CD109: variants seen among roughly 807,000 people sequenced by gnomAD.
CD109 encodes CD109 molecule.
CD109 carries 149 observed loss-of-function variants against 165.8 expected under a neutral mutation model. That is an observed-to-expected ratio of 0.90 (90% CI 0.79 to 1.03). The LOEUF (loss-of-function observed/expected upper bound fraction) is 1.03. CD109 is among the 50% of genes least tolerant of loss of function. The pLI is 0.00. For missense variants in CD109, 1,712 were observed against 1,677.8 expected (o/e 1.02, Z -0.36); for synonymous variants, 585 against 592.1 (o/e 0.99, Z 0.18).
At chr6:73,767,417 G>A (rs1364170251) in intron 13 of CD109, among the ~76,000 whole-genome samples, 4 of 152,088 alleles carry the variant, frequency 2.6e-5, no homozygotes, top group South Asian at 2.1e-4. Flanking sequence ...ATAGTATTCC[G>A]TAGTATATGT....
At chr6:73,706,364 T>G (rs1004410832) in intron 2 of CD109, among the ~76,000 whole-genome samples, 9 of 152,106 alleles carry the variant, frequency 5.9e-5, no homozygotes, top group Non-Finnish European at 1.3e-4. Context: ...CATATTTGTA[T>G]CTGGGAGAGC....
At chr6:73,784,300 TC>T (rs200743582) in intron 19 of CD109, among the ~76,000 whole-genome samples, 2 of 151,064 alleles carry the variant, frequency 1.3e-5, no homozygotes, top group Non-Finnish European at 3.0e-5. Flanking sequence ...GCCTGAATTT[TC>T]TCATTTGAAA....
chr6:73,781,972 GAAATGTAT>G (rs1425715548), intron 17 of CD109, among the ~76,000 whole-genome samples: 5 of 152,150 alleles, frequency 3.3e-5, no homozygotes, highest in African/African-American at 4.8e-5. Flanking sequence ...TTGACTGAAG[GAAATGTAT>G]AAATGTATAA....
chr6:73,749,973 G>T (rs1246315202), intron 5 of CD109, among the ~76,000 whole-genome samples: 10 of 152,152 alleles, frequency 6.6e-5, no homozygotes, highest in Non-Finnish European at 1.5e-4. Flanking sequence ...CTACCAGGGG[G>T]TTAGTATTAT....
chr6:73,731,849 C>T (rs1031787897), intron 4 of CD109, among the ~76,000 whole-genome samples: 1 of 152,316 alleles, frequency 6.6e-6, no homozygotes, highest in African/African-American at 2.4e-5. Context: ...CCATTTAGAA[C>T]TGTGTCTGGC....
chr6:73,780,477 G>C lies in CD109; in HGVS notation c.1881G>C (p.Met627Ile). The change falls in exon 16 of 33, where the codon ATG (methionine) becomes ATC (isoleucine). Residue 627 changes from methionine (M) to isoleucine (I), a missense_variant. Met to Ile is a conservative substitution (Grantham distance 10, BLOSUM62 1). Transcript: ENST00000287097. ...CAGGATATTATTTAGGCATGTTCAT[G>C]AATTCTTTTGCAGTCTTTCAGGTAT... is the stretch of plus-strand genomic sequence containing the variant. ...YNTGYYLGMFMNSFAVFQECG... is the reference protein window; with the variant it reads ...YNTGYYLGMFINSFAVFQECG... 1 of 1,608,726 alleles carries C rather than the reference G, an allele frequency of 6.2e-7. No individual in the cohort carries two copies. Among genetic ancestry groups the C allele is most frequent in the Non-Finnish European group, 8.5e-7 (1 of 1,175,820 alleles).
chr6:73,778,275 G>C (rs572782009), intron 15 of CD109, among the ~76,000 whole-genome samples: 1 of 152,104 alleles, frequency 6.6e-6, no homozygotes. Context: ...GTTGTTTATC[G>C]GTTTAAGAAA....
chr6:73,727,538 C>T (rs143319224), intron 3 of CD109, among the ~76,000 whole-genome samples: 4 of 152,208 alleles, frequency 2.6e-5, no homozygotes, highest in Admixed American at 1.3e-4. Flanking sequence ...GAGTCAGTGT[C>T]AGCTCCCTGA....
chr6:73,818,364 A>T, intron 30 of CD109, 24 bp from the exon 31 acceptor site: 1 of 1,612,542 alleles, frequency 6.2e-7, no homozygotes, highest in Non-Finnish European at 8.5e-7. Flanking sequence ...AGGAGTTTTC[A>T]TTCATCCTCC....
At chr6:73,708,608 C>A (rs2150153451) in intron 2 of CD109, among the ~76,000 whole-genome samples, 1 of 152,304 alleles carries the variant, frequency 6.6e-6, no homozygotes, top group East Asian at 1.9e-4. Context: ...AGTTTACAGT[C>A]CCACCAACAG....
At chr6:73,809,929 T>G in intron 26 of CD109, 55 bp from the exon 27 acceptor site, 1 of 1,423,060 alleles carries the variant, frequency 7.0e-7, no homozygotes, top group South Asian at 1.3e-5. Flanking sequence ...TTTAATGGTA[T>G]AAAATGTAAT....
At chr6:73,768,429 A>G (rs1161257307) in intron 14 of CD109, among the ~76,000 whole-genome samples, 198 bp downstream of exon 14, 1 of 152,206 alleles carries the variant, frequency 6.6e-6, no homozygotes, top group African/African-American at 2.4e-5. Flanking sequence ...GGGGATTGAT[A>G]GTCTATTTGT....
chr6:73,791,093 A>G (rs1340801864), intron 22 of CD109, among the ~76,000 whole-genome samples: 1 of 145,810 alleles, frequency 6.9e-6, no homozygotes, highest in Non-Finnish European at 1.5e-5. Flanking sequence ...CAACCAATCC[A>G]TAGGCAGAGG....
chr6:73,767,018 C>T lies in CD109; in HGVS notation c.1497+8C>T. 6.2e-7 allele frequency: 1 copy of T among 1,605,134 alleles called. No individual in the cohort carries two copies. The highest frequency in any genetic ancestry group is 8.5e-7 in the Non-Finnish European group (1 of 1,173,188). On this transcript the variant is annotated splice_region_variant and intron_variant, in intron 13 of 32. Transcript: ENST00000287097. ...AAGGAGTTAAGCTATATGGTAATCT[C>T]TTATAGAATCTAAATTTATGATCTA... is the stretch of plus-strand genomic sequence containing the variant.
At position 73,768,056 on chromosome 6, in the gene CD109, TAGTATCC is replaced by T. The variant is rs756226844; in HGVS notation, c.1502_1508del (p.Val501GlyfsTer7). 1 of 1,611,850 alleles carries T rather than the reference TAGTATCC, an allele frequency of 6.2e-7. No individual in the cohort carries two copies. The highest frequency in any genetic ancestry group is 1.3e-5 in the African/African-American group (1 of 74,974). ...AAACCCATCTACTGTTCTTTTCAGG[TAGTATCC>T]AGGGGACAGTTGGTGGCTGTAGGAA... On this transcript the variant is annotated frameshift_variant and splice_region_variant, in exon 14 of 33. Transcript: ENST00000287097. LOFTEE classifies it high-confidence loss of function.
chr6:73,697,918 A>G (rs1489185849), intron 2 of CD109, among the ~76,000 whole-genome samples: 1 of 152,154 alleles, frequency 6.6e-6, no homozygotes, highest in Non-Finnish European at 1.5e-5. Context: ...TTACATCACT[A>G]CTGCTCATAT....
chr6:73,800,809 ATG>A (rs1775335423), intron 23 of CD109, among the ~76,000 whole-genome samples: 1 of 152,144 alleles, frequency 6.6e-6, no homozygotes, highest in African/African-American at 2.4e-5. Flanking sequence ...TTCTTTATAT[ATG>A]TATATACATG....
At chr6:73,711,234 G>A (rs1328689340) in intron 2 of CD109, among the ~76,000 whole-genome samples, 2 of 151,152 alleles carry the variant, frequency 1.3e-5, no homozygotes, top group African/African-American at 4.9e-5. Context: ...TAGTAGGTTT[G>A]TGTTTGACCT....
intron 22 of CD109, among the ~76,000 whole-genome samples, chr6:73,789,165 C>A (rs912519337): frequency 1.3e-5 from 2 of 152,294 alleles, no homozygotes; most frequent in African/African-American, 4.8e-5. Context: ...ATTCTGATAA[C>A]CAAAGGTTGA....
Sources: gnomAD v4.1 joint callset for allele counts (sites outside exome capture counted in the v4.1 genomes callset) on GRCh38, gnomAD v4.1.1 for gene constraint, MANE v1.5 for transcripts, NCBI Gene and HGNC (gene_info 2026-07-23, HGNC 2026-07-21) for gene names.